UGT1A7: variants seen among roughly 807,000 people sequenced by gnomAD.
UGT1A7 encodes the protein UDP-glucuronosyltransferase 1A7.
In UGT1A7, 33 loss-of-function variants were observed where a neutral mutation model predicts 45.6. The ratio of observed to expected loss-of-function variants is 0.72; its 90% CI spans 0.55 to 0.97. UGT1A7 has a LOEUF of 0.97. Among genes scored for constraint, UGT1A7 ranks in the 50% least tolerant of loss-of-function variants. The probability of loss-of-function intolerance (pLI) is 0.00; values close to 1 mark genes in which losing one functional copy is unlikely to be tolerated. For synonymous variants in UGT1A7, 274 were observed against 250.6 expected (o/e 1.09, Z -0.88); for missense variants, 684 against 666.2 (o/e 1.03, Z -0.29).
chr2:233,755,095 C>T (rs1348652333), intron 1 of UGT1A7: 32 of 1,334,722 alleles, frequency 2.4e-5, no homozygotes, highest in Non-Finnish European at 3.1e-5. Context: ...CGTTTCTACG[C>T]GTCCGACAAC....
intron 1 of UGT1A7, among the ~76,000 whole-genome samples, chr2:233,749,338 G>A (rs996223048): frequency 2.0e-5 from 3 of 151,868 alleles, no homozygotes; most frequent in Admixed American, 6.5e-5. Flanking sequence ...GTTGAAAAGT[G>A]GGATGGAATT....
At position 233,767,866 on chromosome 2, in the gene UGT1A7, T is replaced by G. The variant is rs772563329; in HGVS notation, c.1005T>G (p.Thr335=). Reference sequence around the variant, plus strand: ...CCTCCCAGGTCCTGTGGCGGTACACTGGAACCCGACCATCGAATCTTGCGA... The same window carrying G: ...CCTCCCAGGTCCTGTGGCGGTACACGGGAACCCGACCATCGAATCTTGCGA... ...KIPQTVLWRY[T]GTRPSNLANN... The change falls in exon 3 of 5, where the codon ACT becomes ACG. Residue 335 remains threonine (T), a synonymous_variant. Coordinates refer to ENST00000373426, the MANE Select transcript of UGT1A7 (RefSeq NM_019077.3). The G allele has an allele frequency of 3.1e-6, 5 of 1,614,214 alleles. No individual in the cohort carries two copies. The highest frequency in any genetic ancestry group is 4.2e-6 in the Non-Finnish European group (5 of 1,180,038).
intron 1 of UGT1A7, among the ~76,000 whole-genome samples, chr2:233,765,584 C>A (rs1030389138): frequency 6.6e-6 from 1 of 151,846 alleles, no homozygotes; most frequent in African/African-American, 2.4e-5. Context: ...GGGAGGGGAA[C>A]AACACACACC....
chr2:233,773,203 A>T lies in UGT1A7; in HGVS notation c.*644A>T, dbSNP rs1464666615. On this transcript the variant is annotated 3_prime_UTR_variant, in exon 5 of 5. Coordinates refer to ENST00000373426, the MANE Select transcript of UGT1A7 (RefSeq NM_019077.3). ...TATGTCAAATGGAGCTGAATTTGAT[A>T]AAAACCCAAAATACAGCTATGAAGT... The T allele has an allele frequency of 6.6e-6, 1 of 152,516 alleles. No homozygotes were observed. The highest frequency in any genetic ancestry group is 2.4e-5 in the African/African-American group (1 of 41,468). 9.4% of individuals were successfully genotyped at this position (152,516 alleles called of 1,614,324 possible). A position where few individuals can be genotyped will look rare whatever the true frequency, so the allele number is the denominator to read the frequency against.
chr2:233,746,266 G>A (rs573360161), intron 1 of UGT1A7, among the ~76,000 whole-genome samples: 7 of 151,810 alleles, frequency 4.6e-5, no homozygotes, highest in South Asian at 4.1e-4. Context: ...AGAACAAAAC[G>A]CTGTGGGGAT....
intron 1 of UGT1A7, among the ~76,000 whole-genome samples, chr2:233,733,899 C>T (rs563890237): frequency 6.6e-6 from 1 of 151,930 alleles, no homozygotes; most frequent in Non-Finnish European, 1.5e-5. Flanking sequence ...CCTGTTTGTA[C>T]CTCTCTGGTA....
At chr2:233,721,816 C>A (rs1463155812) in intron 1 of UGT1A7, 4 of 516,128 alleles carry the variant, frequency 7.8e-6, no homozygotes, top group Non-Finnish European at 1.6e-5. Context: ...AAATCCAGCA[C>A]CCTATTTGGG....
intron 1 of UGT1A7, chr2:233,747,353 C>T (rs1297550032): frequency 5.6e-6 from 9 of 1,602,858 alleles, no homozygotes; most frequent in East Asian, 2.2e-5. Context: ...TGCGGGAGGC[C>T]GTGCGGGAGC....
chr2:233,756,673 G>A (rs542273174), intron 1 of UGT1A7, among the ~76,000 whole-genome samples: 1 of 152,146 alleles, frequency 6.6e-6, no homozygotes, highest in Non-Finnish European at 1.5e-5. Flanking sequence ...ATTTCCGCTA[G>A]AACTGCTATA....
intron 1 of UGT1A7, among the ~76,000 whole-genome samples, chr2:233,704,131 T>A (rs2075768920): frequency 6.6e-6 from 1 of 152,080 alleles, no homozygotes; most frequent in Non-Finnish European, 1.5e-5. Context: ...CCTCAAGTGA[T>A]CCACCCGCCT....
chr2:233,703,265 T>C (rs2075729501), intron 1 of UGT1A7, among the ~76,000 whole-genome samples: 1 of 152,208 alleles, frequency 6.6e-6, no homozygotes, highest in South Asian at 2.1e-4. Flanking sequence ...TATAATACTT[T>C]CTGTTTCTGT....
chr2:233,698,871 A>C (rs2075466762), intron 1 of UGT1A7, among the ~76,000 whole-genome samples: 1 of 152,220 alleles, frequency 6.6e-6, no homozygotes, highest in African/African-American at 2.4e-5. Flanking sequence ...TGACTTTGCG[A>C]CTTTGACCAA....
intron 1 of UGT1A7, among the ~76,000 whole-genome samples, chr2:233,765,617 G>T (rs988431612): frequency 1.3e-5 from 2 of 151,904 alleles, no homozygotes; most frequent in African/African-American, 4.8e-5. Flanking sequence ...GGGGTGAGGG[G>T]TGAGGGGAGG....
At chr2:233,729,668 A>C (rs1346265450) in intron 1 of UGT1A7, 12 of 1,613,764 alleles carry the variant, frequency 7.4e-6, no homozygotes, top group Non-Finnish European at 1.0e-5. Context: ...TGTGATTTAG[A>C]CTTTAAGGGC....
chr2:233,740,275 T>C (rs1342427185), intron 1 of UGT1A7, among the ~76,000 whole-genome samples: 1 of 151,910 alleles, frequency 6.6e-6, no homozygotes, highest in Non-Finnish European at 1.5e-5. Context: ...ATTGAAGTTA[T>C]ACTGAAAGGG....
chr2:233,710,160 A>G (rs1395236819), intron 1 of UGT1A7, among the ~76,000 whole-genome samples: 2 of 152,194 alleles, frequency 1.3e-5, no homozygotes, highest in Admixed American at 1.3e-4. Context: ...TCATTTGCTT[A>G]TGCATTTATT....
Position 233,743,773 on chromosome 2 carries a change from C to G in UGT1A7, c.856-23261C>G, listed in dbSNP as rs367921172. 3 of 1,367,248 alleles carry G rather than the reference C, an allele frequency of 2.2e-6. No homozygotes were observed. In the East Asian group the frequency reaches 1.4e-4, roughly 62 times the overall value. The allele number at this position is 1,367,248 out of a possible 1,614,324, so 84.7% of individuals were successfully genotyped here. A position where few individuals can be genotyped will look rare whatever the true frequency, so the allele number is the denominator to read the frequency against. On this transcript the variant is annotated intron_variant, in intron 1 of 4. Coordinates refer to ENST00000373426, the MANE Select transcript of UGT1A7 (RefSeq NM_019077.3). ...ACAACACCTCGTAGGCCTCGGCCACCTGCTTGAATCTCCTCTCCGCTTCCT... is the reference window on the plus strand; with the variant it reads ...ACAACACCTCGTAGGCCTCGGCCACGTGCTTGAATCTCCTCTCCGCTTCCT...
At chr2:233,736,362 A>G (rs1213397450) in intron 1 of UGT1A7, among the ~76,000 whole-genome samples, 1 of 152,180 alleles carries the variant, frequency 6.6e-6, no homozygotes, top group African/African-American at 2.4e-5. Flanking sequence ...CAGCTCCATC[A>G]GGTCATTTAA....
chr2:233,724,239 G>A, intron 1 of UGT1A7, among the ~76,000 whole-genome samples: 1 of 128,664 alleles, frequency 7.8e-6, no homozygotes, highest in African/African-American at 3.1e-5. Context: ...GGGCGGCCGG[G>A]CAGAGGCGCC....
Sources: allele counts gnomAD v4.1 joint callset (sites outside exome capture counted in the v4.1 genomes callset), GRCh38; gene constraint gnomAD v4.1.1; transcripts MANE v1.5; gene names NCBI Gene and HGNC (gene_info 2026-07-23, HGNC 2026-07-21).